Variants in PCDH15 observed in about 807,000 individuals in gnomAD.
PCDH15 encodes the protein protocadherin related 15, also known as protocadherin-15.
PCDH15 carries 129 observed loss-of-function variants against 178.5 expected under a neutral mutation model. The observed-to-expected ratio is 0.72, with a 90% CI of 0.63 to 0.84. The LOEUF (loss-of-function observed/expected upper bound fraction) is 0.84, where lower values mean the gene tolerates loss of function less well. Among genes scored for constraint, PCDH15 ranks in the 40% least tolerant of loss-of-function variants. The pLI is 0.00. For missense variants in PCDH15, 2,230 were observed against 2,099.9 expected, an observed-to-expected ratio of 1.06 and a Z score of -1.21; for synonymous variants, 800 against 732.0, an observed-to-expected ratio of 1.09 and a Z score of -1.50.
At chr10:54,009,118 C>T (rs746221660) in intron 20 of PCDH15, among the ~76,000 whole-genome samples, 7 of 151,716 alleles carry the variant, frequency 4.6e-5, no homozygotes, top group African/African-American at 1.5e-4. Context: ...ATTATTGTCT[C>T]GGGAAAGAGA....
At chr10:54,148,622 G>A (rs755171080) in intron 14 of PCDH15, among the ~76,000 whole-genome samples, 1 of 151,962 alleles carries the variant, frequency 6.6e-6, no homozygotes, top group Non-Finnish European at 1.5e-5. Context: ...GATATATTAA[G>A]TTTGGCCACA....
intron 25 of PCDH15, among the ~76,000 whole-genome samples, chr10:53,918,475 T>C (rs1348326033): frequency 2.6e-5 from 4 of 152,150 alleles, no homozygotes; most frequent in African/African-American, 4.8e-5. Context: ...GGCAATCAAA[T>C]AGTAGTACTG....
At chr10:54,462,765 T>A (rs2077276790) in intron 3 of PCDH15, among the ~76,000 whole-genome samples, 1 of 148,264 alleles carries the variant, frequency 6.7e-6, no homozygotes, top group African/African-American at 2.5e-5. Context: ...TTCCTGACTT[T>A]GTGATCTGCC....
In PCDH15 at chr10:54,699,488, C is replaced by A. The variant is rs993049456; in HGVS notation, c.-28-35198G>T. Among the ~76,000 whole-genome samples the A allele has an allele frequency of 2.6e-5, 4 of 151,976 alleles. No homozygotes were observed. In the South Asian group the frequency reaches 8.3e-4, roughly 31 times the overall value. ...GGATTTCTGCATGTTTTCAATATGACAGAAAATTATTTTTTATTGTTCTAT... is the reference window on the plus strand; with the variant it reads ...GGATTTCTGCATGTTTTCAATATGAAAGAAAATTATTTTTTATTGTTCTAT... On this transcript the variant is annotated intron_variant, in intron 1 of 37. Coordinates refer to ENST00000644397, the MANE Select transcript of PCDH15 (RefSeq NM_001384140.1).
intron 2 of PCDH15, among the ~76,000 whole-genome samples, chr10:55,531,116 A>C (rs2132063518): frequency 6.6e-6 from 1 of 152,116 alleles, no homozygotes; most frequent in African/African-American, 2.4e-5. Context: ...ACTAGTTACT[A>C]ACTGGAGTGT....
chr10:54,575,251 G>A (rs1285572372), intron 2 of PCDH15: 1 of 151,358 alleles, frequency 6.6e-6, no homozygotes, highest in Non-Finnish European at 1.5e-5. Flanking sequence ...GTATACATAT[G>A]TAACTAACCT....
At chr10:54,858,029 C>G (rs1275477513) in intron 3 of PCDH15, among the ~76,000 whole-genome samples, 1 of 152,122 alleles carries the variant, frequency 6.6e-6, no homozygotes, top group Non-Finnish European at 1.5e-5. Context: ...TGCAATAGAT[C>G]TTGAAAACGT....
At chr10:53,880,365 C>G (rs575990276) in intron 26 of PCDH15, among the ~76,000 whole-genome samples, 4 of 152,198 alleles carry the variant, frequency 2.6e-5, no homozygotes, top group East Asian at 1.9e-4. Context: ...ACAGGGTTCA[C>G]GAAGCAAACT....
chr10:55,198,981 C>G (rs1246637790), intron 1 of PCDH15, among the ~76,000 whole-genome samples: 2 of 152,034 alleles, frequency 1.3e-5, no homozygotes, highest in Non-Finnish European at 2.9e-5. Flanking sequence ...ATTACCCAAT[C>G]TCAGGTAGTT....
intron 2 of PCDH15, among the ~76,000 whole-genome samples, chr10:54,616,711 G>T (rs1435628890): frequency 2.6e-5 from 4 of 152,030 alleles, no homozygotes; most frequent in Non-Finnish European, 5.9e-5. Flanking sequence ...GACCCAGTCA[G>T]ACTTATGAGT....
intron 2 of PCDH15, among the ~76,000 whole-genome samples, chr10:55,419,716 G>T (rs1483182093): frequency 9.7e-6 from 1 of 103,272 alleles, no homozygotes; most frequent in Non-Finnish European, 1.9e-5. Flanking sequence ...CACTACTATA[G>T]CACATACCCA....
At chr10:54,327,141 A>G (rs952444752) in intron 7 of PCDH15, among the ~76,000 whole-genome samples, 1 of 151,760 alleles carries the variant, frequency 6.6e-6, no homozygotes, top group Non-Finnish European at 1.5e-5. Flanking sequence ...CCAATTCAGA[A>G]TCTTTTACCT....
chr10:55,601,121 T>G (rs1843067101), intron 2 of PCDH15, among the ~76,000 whole-genome samples: 1 of 152,148 alleles, frequency 6.6e-6, no homozygotes, highest in African/African-American at 2.4e-5. Flanking sequence ...ACAGAGGAAT[T>G]ACACACAGTT....
At chr10:55,281,039 A>G (rs1417889547) in intron 1 of PCDH15, among the ~76,000 whole-genome samples, 3 of 152,196 alleles carry the variant, frequency 2.0e-5, no homozygotes, top group African/African-American at 7.2e-5. Context: ...CTCTAATACT[A>G]TAGCATATTA....
At chr10:54,398,217 A>C (rs1951488053) in intron 3 of PCDH15, among the ~76,000 whole-genome samples, 1 of 151,032 alleles carries the variant, frequency 6.6e-6, no homozygotes, top group African/African-American at 2.5e-5. Context: ...TAAAATTTCA[A>C]AATCTTGCTT....
In PCDH15 at chr10:53,888,837, T is replaced by TG. The variant is rs2081361739; in HGVS notation, c.3501+14405_3501+14406insC. ...CTTACACTATCAGATATTATAAAAC[T>TG]ATAGTAATTCAGATAGCAGAATGAT... is the stretch of plus-strand genomic sequence containing the variant. On this transcript the variant is annotated intron_variant, in intron 26 of 37. Coordinates refer to ENST00000644397, the MANE Select transcript of PCDH15 (RefSeq NM_001384140.1). Among the ~76,000 whole-genome samples, 4 of 149,366 alleles carry TG rather than the reference T, an allele frequency of 2.7e-5. No homozygotes were observed. In the South Asian group the frequency reaches 8.4e-4, roughly 32 times the overall value.
At chr10:55,562,918 T>C (rs1342428138) in intron 2 of PCDH15, among the ~76,000 whole-genome samples, 3 of 152,006 alleles carry the variant, frequency 2.0e-5, no homozygotes, top group Admixed American at 6.6e-5. Flanking sequence ...ACAACTCTTT[T>C]GGAATTCTTG....
chr10:54,165,188 C>A (rs1196855802), intron 13 of PCDH15, among the ~76,000 whole-genome samples: 5 of 151,764 alleles, frequency 3.3e-5, no homozygotes, highest in Non-Finnish European at 7.4e-5. Flanking sequence ...TGCTTTAAAG[C>A]CAAAAAGCAT....
intron 2 of PCDH15, among the ~76,000 whole-genome samples, chr10:55,434,084 T>C (rs1344632509): frequency 1.5e-5 from 2 of 131,800 alleles, no homozygotes; most frequent in African/African-American, 3.0e-5. Flanking sequence ...TTTCTTTTTT[T>C]TTTTTTTTTT....
Sources: allele counts gnomAD v4.1 joint callset (sites outside exome capture counted in the v4.1 genomes callset), GRCh38; gene constraint gnomAD v4.1.1; transcripts MANE v1.5; gene names NCBI Gene and HGNC (gene_info 2026-07-23, HGNC 2026-07-21).